Variants in COLEC12 observed in about 807,000 individuals in gnomAD.
The protein encoded by COLEC12 is collectin subfamily member 12.
COLEC12 carries 33 observed loss-of-function variants against 71.1 expected under a neutral mutation model. The ratio of observed to expected loss-of-function variants is 0.46; its 90% CI spans 0.35 to 0.62. The LOEUF is 0.62. Ranked by LOEUF, COLEC12 falls within the 20% of genes least tolerant of loss-of-function variation. The pLI, the probability that COLEC12 is intolerant of heterozygous loss-of-function variation, is 0.00. For missense variants in COLEC12, 765 were observed against 916.1 expected (o/e 0.84, Z 2.13); for synonymous variants, 350 against 353.0 (o/e 0.99, Z 0.10).
At chr18:473,364 C>CCAGCTCAAATCTCT (rs1555622380) in intron 2 of COLEC12, among the ~76,000 whole-genome samples, 4 of 152,042 alleles carry the variant, frequency 2.6e-5, no homozygotes, top group Admixed American at 6.5e-5. Context: ...GCTCAAATCT[C>CCAGCTCAAATCTCT]TTTTTTTTAT....
At chr18:481,910 T>C (rs1917424780) in intron 1 of COLEC12, among the ~76,000 whole-genome samples, 1 of 152,104 alleles carries the variant, frequency 6.6e-6, no homozygotes, top group East Asian at 1.9e-4. Context: ...GACACTTTTT[T>C]TTTTCTTTCC....
rs1914365747 is a variant in COLEC12 at position 346,178 on chromosome 18, G to C, written c.1327+117C>G. 9.3e-6 allele frequency: 7 copies of C among 754,564 alleles called. 1 individual carries two copies. The highest frequency in any genetic ancestry group is 5.5e-5 in the South Asian group (3 of 54,196). 46.7% of individuals were successfully genotyped at this position (754,564 alleles called of 1,614,324 possible). ...TAGCTAAGCTGCTCTTGAATTCCTGGTCCACAAAAACTATGAGATGATGAA... is the reference window on the plus strand; with the variant it reads ...TAGCTAAGCTGCTCTTGAATTCCTGCTCCACAAAAACTATGAGATGATGAA... On this transcript the variant is annotated intron_variant, in intron 5 of 9. Coordinates refer to ENST00000400256, the MANE Select transcript of COLEC12 (RefSeq NM_130386.3). This position sits in a 1 kb window ranked among gnomAD's most constrained non-coding sequence, Gnocchi z 4.0.
chr18:383,180 C>G (rs1321996623), intron 2 of COLEC12, among the ~76,000 whole-genome samples: 1 of 152,072 alleles, frequency 6.6e-6, no homozygotes, highest in Non-Finnish European at 1.5e-5. Context: ...TCATTTGGGC[C>G]TTTATCAGAA....
intron 2 of COLEC12, among the ~76,000 whole-genome samples, chr18:384,012 C>T (rs1003789570): frequency 4.6e-5 from 7 of 152,094 alleles, no homozygotes; most frequent in African/African-American, 9.7e-5. Flanking sequence ...TCGGGGAAAC[C>T]GCCCCCATGA....
Position 422,978 on chromosome 18 carries a change from A to T in COLEC12, c.58+57729T>A, listed in dbSNP as rs115484197. ...GTTTCCCACTCATTTGTTCAAAACAATATTTACTGGAGCTGGGTACAGTGG... is the reference window on the plus strand; with the variant it reads ...GTTTCCCACTCATTTGTTCAAAACATTATTTACTGGAGCTGGGTACAGTGG... On this transcript the variant is annotated intron_variant, in intron 2 of 9. Transcript: ENST00000400256. Among the ~76,000 whole-genome samples the T allele has an allele frequency of 9.9e-3, 1,508 of 152,348 alleles. 28 individuals carry two copies. The highest frequency in any genetic ancestry group is 0.034 in the African/African-American group (1,401 of 41,584).
intron 2 of COLEC12, among the ~76,000 whole-genome samples, chr18:475,728 A>G (rs1917291107): frequency 6.6e-6 from 1 of 152,220 alleles, no homozygotes; most frequent in African/African-American, 2.4e-5. Context: ...AAGCCTCAGT[A>G]GTCCTCTATG....
intron 2 of COLEC12, among the ~76,000 whole-genome samples, chr18:463,030 G>A (rs929373958): frequency 3.9e-5 from 6 of 152,168 alleles, no homozygotes; most frequent in South Asian, 2.1e-4. Flanking sequence ...CAGGAGAAGC[G>A]GGGGAGTCAG....
intron 2 of COLEC12, among the ~76,000 whole-genome samples, chr18:445,565 T>A (rs899737068): frequency 2.0e-5 from 3 of 151,886 alleles, no homozygotes; most frequent in Admixed American, 2.0e-4. Flanking sequence ...ATTTTCCAAT[T>A]TTAGAATATT....
chr18:378,771 A>G (rs534451996), intron 2 of COLEC12, among the ~76,000 whole-genome samples: 1 of 152,154 alleles, frequency 6.6e-6, no homozygotes, highest in South Asian at 2.1e-4. Context: ...ACTTCTTCCC[A>G]ATTTATTTCC....
At chr18:438,998 G>A (rs1916459714) in intron 2 of COLEC12, among the ~76,000 whole-genome samples, 1 of 152,104 alleles carries the variant, frequency 6.6e-6, no homozygotes, top group African/African-American at 2.4e-5. Context: ...AGAGGAAGTG[G>A]CTGCCCTTAA....
chr18:475,274 T>C (rs1346113505), intron 2 of COLEC12, among the ~76,000 whole-genome samples: 1 of 152,034 alleles, frequency 6.6e-6, no homozygotes, highest in Non-Finnish European at 1.5e-5. Flanking sequence ...TAGAAATGTT[T>C]GGAAAAGGTG....
rs1326001580 is a variant in COLEC12, at chr18:348,073, T to C, written c.272A>G (p.Lys91Arg). Residue 91 changes from lysine to arginine, a missense_variant, in exon 4 of 10, where the codon AAA becomes AGA. Physicochemically the swap from Lys to Arg is conservative, Grantham distance 26. Transcript: ENST00000400256. ...DKLTAVESDL[K>R]KLGDQTGKKA... The stretch of plus-strand genomic sequence containing the variant: ...GTCTTGTCACAGATTACCTAATTTT[T>C]TCAGGTCACTTTCCACTGCTGTGAG... The C allele has an allele frequency of 6.2e-7, 1 of 1,611,404 alleles. No homozygotes were observed. The highest frequency in any genetic ancestry group is 8.5e-7 in the Non-Finnish European group (1 of 1,177,716).
chr18:498,171 C>G (rs1917747224), intron 1 of COLEC12, among the ~76,000 whole-genome samples: 1 of 152,090 alleles, frequency 6.6e-6, no homozygotes, highest in African/African-American at 2.4e-5. Flanking sequence ...ATTGAAATGT[C>G]TACTCTCAGG....
chr18:482,904 T>C (rs1917450901), intron 1 of COLEC12, among the ~76,000 whole-genome samples: 1 of 152,034 alleles, frequency 6.6e-6, no homozygotes, highest in East Asian at 1.9e-4. Context: ...TGAGCTACCG[T>C]GCCCACCCAA....
At chr18:364,379 T>C (rs1914812698) in intron 2 of COLEC12, among the ~76,000 whole-genome samples, 1 of 152,236 alleles carries the variant, frequency 6.6e-6, no homozygotes, top group African/African-American at 2.4e-5. Context: ...AGATGAACTG[T>C]CCACAAATGC....
chr18:343,109 C>A (rs1390284260), intron 5 of COLEC12, among the ~76,000 whole-genome samples: 1 of 152,194 alleles, frequency 6.6e-6, no homozygotes, highest in Non-Finnish European at 1.5e-5. Flanking sequence ...ACACTCACAC[C>A]AACCCCCTAC....
intron 2 of COLEC12, among the ~76,000 whole-genome samples, chr18:406,515 CAAAAAAAAAAAAAAA>C (rs34263909): frequency 1.1e-5 from 1 of 90,450 alleles, no homozygotes; most frequent in Non-Finnish European, 2.0e-5. Context: ...GACTCCGTCT[CAAAAAAAAAAAAAAA>C]AAAAAAAAAA....
At chr18:423,256 G>A (rs1916133899) in intron 2 of COLEC12, among the ~76,000 whole-genome samples, 1 of 152,148 alleles carries the variant, frequency 6.6e-6, no homozygotes, top group Non-Finnish European at 1.5e-5. Context: ...ACAAGAGAGT[G>A]AGATCCTATC....
intron 9 of COLEC12, 127 bp downstream of exon 9, chr18:321,535 T>C: frequency 1.1e-6 from 1 of 948,784 alleles, no homozygotes. Flanking sequence ...GCCCAGTTAA[T>C]AAATGGCATA....
Sources: gnomAD v4.1 joint callset for allele counts (sites outside exome capture counted in the v4.1 genomes callset) on GRCh38, gnomAD v4.1.1 for gene constraint, Gnocchi (gnomAD v3.1) non-coding constraint, MANE v1.5 for transcripts, NCBI Gene and HGNC (gene_info 2026-07-23, HGNC 2026-07-21) for gene names.